Variants in LMNB2 observed in about 807,000 individuals in gnomAD.
LMNB2 encodes lamin B2.
A neutral mutation model predicts 69.3 loss-of-function variants in LMNB2; 17 were observed. That is an observed-to-expected ratio of 0.25 (90% CI 0.17 to 0.37). The LOEUF (loss-of-function observed/expected upper bound fraction) is 0.37. Among genes scored for constraint, LMNB2 ranks in the 10% least tolerant of loss-of-function variants. LMNB2 has a pLI of 1.00. For synonymous variants in LMNB2, 397 were observed against 389.3 expected (o/e 1.02, Z -0.23); for missense variants, 789 against 883.6 (o/e 0.89, Z 1.36).
In LMNB2 at chr19:2,456,830, G is replaced by T; in HGVS notation, c.104C>A (p.Pro35Gln). Reference protein sequence around the residue: ...LPGRAGGPATPLSPTRLSRLQ... With the variant: ...LPGRAGGPATQLSPTRLSRLQ... ...CCGCGACAGGCGCGTGGGCGACAGCGGCGTGGCGGGCCCGCCCGCGCGGCC... is the reference window on the plus strand; with the variant it reads ...CCGCGACAGGCGCGTGGGCGACAGCTGCGTGGCGGGCCCGCCCGCGCGGCC... The change falls in exon 1 of 12, where the codon CCG becomes CAG. Residue 35 changes from proline (P) to glutamine (Q), a missense_variant. Physicochemically the swap from Pro to Gln is moderately conservative, Grantham distance 76 (BLOSUM62 -1). Coordinates refer to ENST00000325327, the MANE Select transcript of LMNB2 (RefSeq NM_032737.4). 1.4e-6 allele frequency: 2 copies of T among 1,394,444 alleles called. No individual in the cohort carries two copies. Among genetic ancestry groups the T allele is most frequent in the Non-Finnish European group, 1.9e-6 (2 of 1,061,766 alleles). 86.4% of individuals were successfully genotyped at this position (1,394,444 alleles called of 1,614,324 possible).
chr19:2,440,842 A>G (rs998369442), intron 2 of LMNB2, among the ~76,000 whole-genome samples: 9 of 151,896 alleles, frequency 5.9e-5, no homozygotes, highest in Non-Finnish European at 1.0e-4. Context: ...CCATCCATCC[A>G]TCATCCACCC....
intron 1 of LMNB2, among the ~76,000 whole-genome samples, chr19:2,446,508 C>A (rs1971957807): frequency 6.6e-6 from 1 of 152,260 alleles, no homozygotes. Context: ...CACGCGCCAG[C>A]TGGGGGCACA....
Position 2,434,010 on chromosome 19 carries a change from C to T in LMNB2, c.1298G>A (p.Arg433His), listed in dbSNP as rs770685785. 4.2e-5 allele frequency: 67 copies of T among 1,607,354 alleles called. No homozygotes were observed. The highest frequency in any genetic ancestry group is 3.3e-4 in the Middle Eastern group (2 of 6,044). ...CACCTCCAGCCGCTTCCGCTTACTG[C>T]GGCCCAGGCGCCCGGTGGCGGACAA... ...GSLSATGRLG[R>H]SKRKRLEVEE... The change falls in exon 8 of 12, where the codon CGC becomes CAC. Residue 433 changes from arginine to histidine, a missense_variant. Transcript: ENST00000325327.
intron 2 of LMNB2, among the ~76,000 whole-genome samples, chr19:2,441,814 G>A (rs891072326): frequency 6.6e-6 from 1 of 152,240 alleles, no homozygotes; most frequent in Admixed American, 6.5e-5. Flanking sequence ...CAGGGCCACC[G>A]CTGCTGAAAG....
At chr19:2,444,218 T>C (rs1434695739) in intron 2 of LMNB2, among the ~76,000 whole-genome samples, 186 bp downstream of exon 2, 1 of 152,212 alleles carries the variant, frequency 6.6e-6, no homozygotes, top group African/African-American at 2.4e-5. Context: ...TGTGAGCATC[T>C]ATCACTTTCC....
At position 2,430,107 on chromosome 19, in the gene LMNB2, G is replaced by T. The variant is rs1451402246; in HGVS notation, c.*804C>A. ...AGCTGTTCTGAAACTCACAGCTTCT[G>T]CCTCCAAGGCAACCAGATGTGTCCC... On this transcript the variant is annotated 3_prime_UTR_variant, in exon 12 of 12. Coordinates refer to ENST00000325327, the MANE Select transcript of LMNB2 (RefSeq NM_032737.4). The T allele has an allele frequency of 2.0e-5, 3 of 153,398 alleles. No homozygotes were observed. The highest frequency in any genetic ancestry group is 7.2e-5 in the African/African-American group (3 of 41,566). 9.5% of individuals were successfully genotyped at this position (153,398 alleles called of 1,614,324 possible).
chr19:2,431,443 G>C, intron 11 of LMNB2, 105 bp downstream of exon 11: 4 of 1,444,176 alleles, frequency 2.8e-6, no homozygotes, highest in South Asian at 2.3e-5. Context: ...CAGCCAGATG[G>C]AGCTCCCGTC....
At chr19:2,456,318 C>A (rs896976785) in intron 1 of LMNB2, among the ~76,000 whole-genome samples, 4 of 150,376 alleles carry the variant, frequency 2.7e-5, no homozygotes, top group Non-Finnish European at 5.9e-5. Context: ...CGGAGCCTGT[C>A]CCCGTCTGCA....
chr19:2,439,065 T>TA (rs1971862292), intron 2 of LMNB2, among the ~76,000 whole-genome samples: 1 of 128,448 alleles, frequency 7.8e-6, no homozygotes, highest in African/African-American at 2.9e-5. Flanking sequence ...TTTTTTTTTT[T>TA]AAGAGACAGG....
chr19:2,438,016 G>A, intron 4 of LMNB2, 147 bp downstream of exon 4: 1 of 1,194,486 alleles, frequency 8.4e-7, no homozygotes, highest in Non-Finnish European at 1.2e-6. Context: ...CGAAGCCAAG[G>A]GCACCCTAAG....
At chr19:2,437,713 T>A (rs989618263) in intron 4 of LMNB2, among the ~76,000 whole-genome samples, 3 of 149,296 alleles carry the variant, frequency 2.0e-5, no homozygotes, top group African/African-American at 5.0e-5. Context: ...GGCAGGAGAA[T>A]TGCTTGAACC....
Position 2,434,339 on chromosome 19 carries a change from C to T in LMNB2, c.1158G>A (p.Met386Ile). The change falls in exon 7 of 12, where the codon ATG (methionine) becomes ATA (isoleucine). Residue 386 changes from methionine (M) to isoleucine (I), a missense_variant. Around this residue, in one of 3 missense-constraint regions of LMNB2, gnomAD observed 609 missense variants for 630.9 expected, o/e 0.97. Transcript: ENST00000325327. ...ELLDVKLALD[M>I]EINAYRKLLE... ...GGAGCTTCCGGTAGGCGTTGATCTC[C>T]ATGTCCAGGGCCAGCTTCACGTCCA... is the stretch of plus-strand genomic sequence containing the variant. 7 of 1,613,210 alleles carry T rather than the reference C, an allele frequency of 4.3e-6. No individual in the cohort carries two copies. The highest frequency in any genetic ancestry group is 5.9e-6 in the Non-Finnish European group (7 of 1,179,988).
In LMNB2 at chr19:2,433,940, C is replaced by G; in HGVS notation, c.1368G>C (p.Thr456=). 1 of 1,612,198 alleles carries G rather than the reference C, an allele frequency of 6.2e-7. No individual in the cohort carries two copies. Among genetic ancestry groups the G allele is most frequent in the Non-Finnish European group, 8.5e-7 (1 of 1,179,770 alleles). Residue 456 remains threonine (T), a synonymous_variant, in exon 8 of 12, where the codon ACG becomes ACC. Transcript: ENST00000325327. ...GSGPSVLGTG[T]GGSGGFHLAQ... ...CCAGGTGGAAGCCACCGCTGCCACC[C>G]GTGCCCGTGCCCAGGACGCTTGGGC...
intron 1 of LMNB2, among the ~76,000 whole-genome samples, chr19:2,454,737 C>T (rs944538060): frequency 6.6e-5 from 10 of 152,168 alleles, no homozygotes. Flanking sequence ...AGGACCCCAA[C>T]CCATGGCAGG....
chr19:2,430,803 G>T lies in LMNB2; in HGVS notation c.*108C>A. The T allele has an allele frequency of 1.2e-6, 1 of 858,484 alleles. No homozygotes were observed. The highest frequency in any genetic ancestry group is 2.0e-6 in the Non-Finnish European group (1 of 495,690). 53.2% of individuals were successfully genotyped at this position (858,484 alleles called of 1,614,324 possible). A position where few individuals can be genotyped will look rare whatever the true frequency, so the allele number is the denominator to read the frequency against. On this transcript the variant is annotated 3_prime_UTR_variant, in exon 12 of 12. Coordinates refer to ENST00000325327, the MANE Select transcript of LMNB2 (RefSeq NM_032737.4). ...ACCCACCCACACGTTCTGGCAGTTC[G>T]CTTAGAAATTCTCTAGAAATGTATC...
intron 2 of LMNB2, 105 bp from the exon 3 acceptor site, chr19:2,438,636 C>A (rs1971857314): frequency 4.3e-6 from 6 of 1,390,228 alleles, no homozygotes. Flanking sequence ...TCACCGAGGC[C>A]TCCGAGCCCC....
rs569798264 is a variant in LMNB2, at chr19:2,443,734, T to C, written c.401+670A>G. On this transcript the variant is annotated intron_variant, in intron 2 of 11. Transcript: ENST00000325327. This position sits in a 1 kb window ranked among gnomAD's most constrained non-coding sequence, Gnocchi z 6.2. ...AAAAGCCTTGAGCTCAGTGTTTCATTGGCCTCCTGGCTCCTCTGAATAAAT... is the reference window on the plus strand; with the variant it reads ...AAAAGCCTTGAGCTCAGTGTTTCATCGGCCTCCTGGCTCCTCTGAATAAAT... Among the ~76,000 whole-genome samples, 8 of 152,312 alleles carry C rather than the reference T, an allele frequency of 5.3e-5. No individual in the cohort carries two copies. The highest frequency in any genetic ancestry group is 2.0e-4 in the Admixed American group (3 of 15,300).
At position 2,429,558 on chromosome 19, in the gene LMNB2, G is replaced by C. The variant is rs892961580; in HGVS notation, c.*1353C>G. On this transcript the variant is annotated 3_prime_UTR_variant, in exon 12 of 12. Coordinates refer to ENST00000325327, the MANE Select transcript of LMNB2 (RefSeq NM_032737.4). The stretch of plus-strand genomic sequence containing the variant: ...CAGGGAGGCGGGATGCAGTCACAGG[G>C]GAGCGGTGCCGCCCCCGCCCTGCAG... 1.4e-4 allele frequency: 21 copies of C among 152,292 alleles called. No homozygotes were observed. The highest frequency in any genetic ancestry group is 1.2e-3 in the Admixed American group (19 of 15,290). The allele number at this position is 152,292 out of a possible 1,614,324, so 9.4% of individuals were successfully genotyped here. A position where few individuals can be genotyped will look rare whatever the true frequency, so the allele number is the denominator to read the frequency against.
chr19:2,456,637 A>AC (rs1568211082), intron 1 of LMNB2, 33 bp downstream of exon 1: 2 of 1,443,894 alleles, frequency 1.4e-6, no homozygotes, highest in Non-Finnish European at 1.8e-6. Flanking sequence ...TGCCGGCTGC[A>AC]CCCCCGCCCG....
Sources: allele counts gnomAD v4.1 joint callset (sites outside exome capture counted in the v4.1 genomes callset), GRCh38; gene constraint gnomAD v4.1.1; regional missense constraint gnomAD v4.1.1; non-coding constraint Gnocchi (gnomAD v3.1); transcripts MANE v1.5; gene names NCBI Gene and HGNC (gene_info 2026-07-23, HGNC 2026-07-21).